Variants in CD300E observed in about 807,000 individuals in gnomAD.
CD300E encodes the protein CD300e molecule.
A neutral mutation model predicts 20.9 loss-of-function variants in CD300E; 14 were observed. The ratio of observed to expected loss-of-function variants is 0.67; its 90% CI spans 0.44 to 1.05. CD300E has a LOEUF of 1.05. Ranked by LOEUF, CD300E falls within the 50% of genes least tolerant of loss-of-function variation. The pLI is 0.00. For synonymous variants in CD300E, 102 were observed against 103.7 expected (o/e 0.98, Z 0.10); for missense variants, 237 against 253.9 (o/e 0.93, Z 0.45).
Position 74,612,594 on chromosome 17 carries a change from C to G in CD300E, c.*59G>C. Reference sequence around the variant, plus strand: ...TCTCGCATCCAGTCTGAAAGGTTGACTCCCTGCACGGGGCACTCCTGGGGA... The same window carrying G: ...TCTCGCATCCAGTCTGAAAGGTTGAGTCCCTGCACGGGGCACTCCTGGGGA... On this transcript the variant is annotated 3_prime_UTR_variant, in exon 4 of 4. Transcript: ENST00000392619. 2 of 1,596,536 alleles carry G rather than the reference C, an allele frequency of 1.3e-6. No homozygotes were observed. Among genetic ancestry groups the G allele is most frequent in the Admixed American group, 3.4e-5 (2 of 58,544 alleles).
At chr17:74,614,066 C>T (rs1568033522) in intron 2 of CD300E, 33 bp from the exon 3 acceptor site, 1 of 1,538,386 alleles carries the variant, frequency 6.5e-7, no homozygotes, top group East Asian at 2.3e-5. Flanking sequence ...ATCAGCCGTG[C>T]CTGGGCTCCC....
chr17:74,612,361 G>T lies in CD300E; in HGVS notation c.*292C>A. On this transcript the variant is annotated 3_prime_UTR_variant, in exon 4 of 4. Transcript: ENST00000392619. ...CTCCTGCCTCAGCCTCCTGAGCTGG[G>T]ATTATAGGCACTCGCTATGGTGCCC... 3.9e-6 allele frequency: 1 copy of T among 253,226 alleles called. No homozygotes were observed. The highest frequency in any genetic ancestry group is 7.7e-6 in the Non-Finnish European group (1 of 129,590). The allele number at this position is 253,226 out of a possible 1,614,324, so 15.7% of individuals were successfully genotyped here. A position where few individuals can be genotyped will look rare whatever the true frequency, so the allele number is the denominator to read the frequency against.
Position 74,619,470 on chromosome 17 carries a change from C to A in CD300E, c.41-2005G>T, listed in dbSNP as rs115555198. ...CAAAAAGTCTTTAATTCCTCAATTG[C>A]GTAAGAGCTGGCCTGGCCTTCTGCC... On this transcript the variant is annotated intron_variant, in intron 1 of 3. Transcript: ENST00000392619. 963 of 186,452 alleles carry A rather than the reference C, an allele frequency of 5.2e-3. 9 individuals carry two copies. Among genetic ancestry groups the A allele is most frequent in the African/African-American group, 0.021 (893 of 42,472 alleles). The allele number at this position is 186,452 out of a possible 1,614,324, so 11.5% of individuals were successfully genotyped here.
At chr17:74,617,905 G>A (rs77187424) in intron 1 of CD300E, among the ~76,000 whole-genome samples, 8,515 of 152,268 alleles carry the variant, frequency 0.056, 293 homozygotes, top group African/African-American at 0.078. Context: ...GTTCTTGTGG[G>A]AGGAAAAATA....
At chr17:74,613,682 G>A (rs1010246235) in intron 3 of CD300E, among the ~76,000 whole-genome samples, 6 of 152,208 alleles carry the variant, frequency 3.9e-5, no homozygotes, top group Admixed American at 6.5e-5. Flanking sequence ...GGGGCTGCAC[G>A]TCCACCTGAA....
chr17:74,622,734 G>A (rs955028955), intron 1 of CD300E, among the ~76,000 whole-genome samples: 12 of 84,892 alleles, frequency 1.4e-4, no homozygotes, highest in Admixed American at 5.7e-4. Context: ...AGATGTTGAG[G>A]ATGGCATTTT....
At chr17:74,618,365 G>A (rs2143366433) in intron 1 of CD300E, among the ~76,000 whole-genome samples, 1 of 152,288 alleles carries the variant, frequency 6.6e-6, no homozygotes, top group Middle Eastern at 3.4e-3. Flanking sequence ...GTGAGAGAGA[G>A]GGAGAGAAAG....
At chr17:74,620,642 A>C (rs971439645) in intron 1 of CD300E, among the ~76,000 whole-genome samples, 5 of 143,608 alleles carry the variant, frequency 3.5e-5, no homozygotes, top group Non-Finnish European at 7.5e-5. Context: ...ACTCCGGCCA[A>C]AAAAAAAAAA....
chr17:74,612,639 G>A lies in CD300E; in HGVS notation c.*14C>T, dbSNP rs148476840. ...TGGGGATGGGGCTCTGCAGGGCTTC[G>A]GGTCAGCCTGGCTCTATCTTCCAGG... On this transcript the variant is annotated 3_prime_UTR_variant, in exon 4 of 4. Coordinates refer to ENST00000392619, the MANE Select transcript of CD300E (RefSeq NM_181449.3). The A allele has an allele frequency of 2.1e-5, 34 of 1,612,526 alleles. No individual in the cohort carries two copies. The highest frequency in any genetic ancestry group is 5.3e-5 in the African/African-American group (4 of 75,020).
chr17:74,623,419 T>G (rs1201639206), intron 1 of CD300E, among the ~76,000 whole-genome samples, 163 bp downstream of exon 1: 1 of 152,218 alleles, frequency 6.6e-6, no homozygotes, highest in Non-Finnish European at 1.5e-5. Context: ...GTAGGATCCG[T>G]GGATGAATGA....
At chr17:74,618,990 A>C in intron 1 of CD300E, 2 of 447,486 alleles carry the variant, frequency 4.5e-6, no homozygotes, top group Non-Finnish European at 9.3e-6. Context: ...CTGTGCCCTC[A>C]GGAATCTTCC....
chr17:74,614,406 C>T (rs2030853831), intron 2 of CD300E, among the ~76,000 whole-genome samples: 1 of 151,650 alleles, frequency 6.6e-6, no homozygotes, highest in African/African-American at 2.4e-5. Flanking sequence ...GAAGATGGCT[C>T]AGCCTGTGGC....
At position 74,612,305 on chromosome 17, in the gene CD300E, G is replaced by C. The variant is rs2030801562; in HGVS notation, c.*348C>G. 1 of 171,152 alleles carries C rather than the reference G, an allele frequency of 5.8e-6. No individual in the cohort carries two copies. The highest frequency in any genetic ancestry group is 1.4e-4 in the South Asian group (1 of 6,946). 10.6% of individuals were successfully genotyped at this position (171,152 alleles called of 1,614,324 possible). On this transcript the variant is annotated 3_prime_UTR_variant, in exon 4 of 4. Transcript: ENST00000392619. Reference sequence around the variant, plus strand: ...AGACAGGGCTCTCTATGTTGCCCAGGCTGGCCTGGAACTCTTACGTTCAGC... The same window carrying C: ...AGACAGGGCTCTCTATGTTGCCCAGCCTGGCCTGGAACTCTTACGTTCAGC...
Position 74,617,344 on chromosome 17 carries a change from G to C in CD300E, c.162C>G (p.Tyr54Ter). ...CCACAATGCTCTCACATGACGTGTCGTACTGTCCTCGGCACCAGTACTTGT... is the reference window on the plus strand; with the variant it reads ...CCACAATGCTCTCACATGACGTGTCCTACTGTCCTCGGCACCAGTACTTGT... ...GYNKYWCRGQ[Y>*]DTSCESIVET... Residue 54 changes from tyrosine to a stop codon, truncating the protein, a stop_gained, in exon 2 of 4, where the codon TAC becomes TAG. Transcript: ENST00000392619. LOFTEE classifies it high-confidence loss of function. 6.2e-7 allele frequency: 1 copy of C among 1,614,114 alleles called. No homozygotes were observed. The highest frequency in any genetic ancestry group is 8.5e-7 in the Non-Finnish European group (1 of 1,180,036).
Position 74,612,655 on chromosome 17 carries a change from A to T in CD300E, c.616T>A (p.Ter206LysextTer103). The change falls in exon 4 of 4, where the codon TAG (stop) becomes AAG (lysine). Residue 206 changes from the stop codon to lysine (K), a stop_lost. Transcript: ENST00000392619. ...NRPQWAPPGR[*>K] ...CAGGGCTTCGGGTCAGCCTGGCTCT[A>T]TCTTCCAGGAGGAGCCCACTGAGGC... 6.2e-7 allele frequency: 1 copy of T among 1,613,402 alleles called. No homozygotes were observed. The highest frequency in any genetic ancestry group is 1.7e-4 in the Middle Eastern group (1 of 6,058).
intron 1 of CD300E, among the ~76,000 whole-genome samples, chr17:74,622,015 G>C (rs1362171041): frequency 2.6e-5 from 4 of 151,786 alleles, no homozygotes; most frequent in Non-Finnish European, 5.9e-5. Flanking sequence ...TGTTGCCCAG[G>C]CTGATCTCAA....
chr17:74,612,786 C>A lies in CD300E; in HGVS notation c.498-13G>T. 6.2e-7 allele frequency: 1 copy of A among 1,613,236 alleles called. No homozygotes were observed. Among genetic ancestry groups the A allele is most frequent in the Non-Finnish European group, 8.5e-7 (1 of 1,179,728 alleles). On this transcript the variant is annotated splice_polypyrimidine_tract_variant and intron_variant, in intron 3 of 3. Transcript: ENST00000392619. ...GCTGAGCCGGAACCTGTGGTGGACA[C>A]GGTGAAAATGAGTCACTTCCCCGGG...
chr17:74,617,334 A>G lies in CD300E; in HGVS notation c.172T>C (p.Cys58Arg). The change falls in exon 2 of 4, where the codon TGT (cysteine) becomes CGT (arginine). Residue 58 changes from cysteine to arginine, a missense_variant. Physicochemically the swap from Cys to Arg is radical, Grantham distance 180. Transcript: ENST00000392619. ...YWCRGQYDTS[C>R]ESIVETKGEE... ...CCCTTGGTCTCCACAATGCTCTCAC[A>G]TGACGTGTCGTACTGTCCTCGGCAC... 1.2e-6 allele frequency: 2 copies of G among 1,614,098 alleles called. No individual in the cohort carries two copies. The highest frequency in any genetic ancestry group is 1.7e-6 in the Non-Finnish European group (2 of 1,180,008).
intron 1 of CD300E, among the ~76,000 whole-genome samples, chr17:74,621,243 C>A (rs970977205): frequency 6.6e-6 from 1 of 152,088 alleles, no homozygotes; most frequent in Non-Finnish European, 1.5e-5. Context: ...GAAAGAAGAA[C>A]CAGGACTGGA....
Sources: gnomAD v4.1 joint callset for allele counts (sites outside exome capture counted in the v4.1 genomes callset) on GRCh38, gnomAD v4.1.1 for gene constraint, MANE v1.5 for transcripts, NCBI Gene and HGNC (gene_info 2026-07-23, HGNC 2026-07-21) for gene names.